The following GPM6A variants were observed in gnomAD, a reference collection of about 807,000 sequenced individuals.
GPM6A encodes the protein neuronal membrane glycoprotein M6-a.
In GPM6A, 7 loss-of-function variants were observed where a neutral mutation model predicts 32.1. The ratio of observed to expected loss-of-function variants is 0.22; its 90% CI spans 0.12 to 0.41. The LOEUF (loss-of-function observed/expected upper bound fraction) is 0.41. GPM6A is among the 10% of genes least tolerant of loss of function. GPM6A has a pLI of 1.00. For missense variants in GPM6A, 235 were observed against 347.2 expected (o/e 0.68, Z 2.57); for synonymous variants, 130 against 123.4 (o/e 1.05, Z -0.35).
At chr4:175,673,178 T>C (rs1453304306) in intron 3 of GPM6A, among the ~76,000 whole-genome samples, 4 of 152,142 alleles carry the variant, frequency 2.6e-5, no homozygotes, top group Non-Finnish European at 5.9e-5. Flanking sequence ...TACAAAACTG[T>C]AGAGTAAGAC....
Position 175,919,419 on chromosome 4 carries a change from T to C in GPM6A, c.-23+82890A>G, listed in dbSNP as rs558251411. Among the ~76,000 whole-genome samples the C allele has an allele frequency of 9.2e-5, 14 of 152,310 alleles. No individual in the cohort carries two copies. In the East Asian group the frequency reaches 1.5e-3, roughly 17 times the overall value. On this transcript the variant is annotated intron_variant, in intron 1 of 7. Coordinates refer to the GPM6A transcript ENST00000280187. ...GGGCCAGAAGAAGCTTAAAGAGCTT[T>C]TGACACTTTTACATAAACATTTCTA... is the stretch of plus-strand genomic sequence containing the variant.
At chr4:175,673,903 C>A in intron 2 of GPM6A, 67 bp from the exon 3 acceptor site, 1 of 997,228 alleles carries the variant, frequency 1.0e-6, no homozygotes, top group South Asian at 1.7e-5. Context: ...AATTGATTCT[C>A]ACATGCTCAT....
chr4:175,894,593 C>A (rs1362670354), intron 1 of GPM6A, among the ~76,000 whole-genome samples: 1 of 152,042 alleles, frequency 6.6e-6, no homozygotes, highest in Non-Finnish European at 1.5e-5. Context: ...CATTTTCTAC[C>A]CTTCTACCTT....
At chr4:175,984,905 A>C (rs1158728489) in intron 1 of GPM6A, among the ~76,000 whole-genome samples, 1 of 152,164 alleles carries the variant, frequency 6.6e-6, no homozygotes, top group Non-Finnish European at 1.5e-5. Flanking sequence ...CCTATTATAT[A>C]TCAAGGACAC....
At chr4:175,779,734 C>A (rs1039889622) in intron 1 of GPM6A, among the ~76,000 whole-genome samples, 1 of 152,062 alleles carries the variant, frequency 6.6e-6, no homozygotes, top group Non-Finnish European at 1.5e-5. Flanking sequence ...TTAGTTTTTC[C>A]CTTTGGCAAC....
At chr4:175,972,075 T>C (rs968197074) in intron 1 of GPM6A, 9 of 152,190 alleles carry the variant, frequency 5.9e-5, no homozygotes, top group Non-Finnish European at 1.3e-4. Context: ...GGTGCTACTA[T>C]TCATTCTTCC....
chr4:175,789,941 A>G (rs1733947431), intron 1 of GPM6A, among the ~76,000 whole-genome samples: 1 of 152,182 alleles, frequency 6.6e-6, no homozygotes. Flanking sequence ...TAGCAAATAT[A>G]TTTGTTCTGA....
chr4:175,755,630 A>C (rs2111197601), intron 1 of GPM6A, among the ~76,000 whole-genome samples: 1 of 152,266 alleles, frequency 6.6e-6, no homozygotes, highest in African/African-American at 2.4e-5. Context: ...CTTCTATTTC[A>C]AAATTGCATA....
chr4:175,768,701 C>A lies in GPM6A; in HGVS notation c.37+43490G>T, dbSNP rs183587276. 2.4e-3 allele frequency among the ~76,000 whole-genome samples: 369 copies of A among 152,098 alleles called. 5 individuals carry two copies. The highest frequency in any genetic ancestry group is 0.022 in the Admixed American group (335 of 15,248). ...ATAATAGGCTATACTTCACATGTAT[C>A]ACCAAAGTTGAATTGAACTATCTGG... On this transcript the variant is annotated intron_variant, in intron 1 of 6. Coordinates refer to ENST00000393658, the MANE Select transcript of GPM6A (RefSeq NM_201591.3).
chr4:175,901,050 C>T (rs932264240), intron 1 of GPM6A, among the ~76,000 whole-genome samples: 5 of 151,552 alleles, frequency 3.3e-5, no homozygotes, highest in African/African-American at 1.2e-4. Flanking sequence ...ATGTCCTTAC[C>T]TATCTGTGGG....
chr4:175,830,085 GGAGA>G (rs1445682544), intron 1 of GPM6A, among the ~76,000 whole-genome samples: 7 of 152,128 alleles, frequency 4.6e-5, no homozygotes, highest in African/African-American at 1.2e-4. Context: ...ACCAGAGAAA[GGAGA>G]GAGAGAGAAT....
chr4:175,763,737 T>C (rs1732849382), intron 1 of GPM6A, among the ~76,000 whole-genome samples: 1 of 151,974 alleles, frequency 6.6e-6, no homozygotes, highest in Non-Finnish European at 1.5e-5. Flanking sequence ...GAAAACAGGC[T>C]TTTTTAAAAA....
At chr4:175,861,838 T>C (rs1191196221) in intron 1 of GPM6A, among the ~76,000 whole-genome samples, 1 of 151,324 alleles carries the variant, frequency 6.6e-6, no homozygotes, top group Non-Finnish European at 1.5e-5. Flanking sequence ...CTATCCCTAA[T>C]ATAAATTTAA....
chr4:175,787,508 T>G (rs1299451191), intron 1 of GPM6A: 1 of 1,466,412 alleles, frequency 6.8e-7, no homozygotes, highest in African/African-American at 1.4e-5. Flanking sequence ...GTCCTTTTTG[T>G]TCCACCTTTA....
chr4:175,802,360 G>A (rs950128688), intron 1 of GPM6A, among the ~76,000 whole-genome samples: 3 of 152,036 alleles, frequency 2.0e-5, no homozygotes, highest in African/African-American at 4.8e-5. Context: ...GAGAGAATAT[G>A]ATGAGCATTG....
Position 175,673,735 on chromosome 4 carries a change from T to C in GPM6A, c.332A>G (p.Lys111Arg). The C allele has an allele frequency of 1.2e-6, 2 of 1,612,922 alleles. No individual in the cohort carries two copies. Among genetic ancestry groups the C allele is most frequent in the Non-Finnish European group, 1.7e-6 (2 of 1,179,078 alleles). The change falls in exon 3 of 7, where the codon AAA (lysine) becomes AGA (arginine). Residue 111 changes from lysine to arginine, a missense_variant. Lys to Arg is a conservative substitution (Grantham distance 26, BLOSUM62 2). Around this residue, in one of 3 missense-constraint regions of GPM6A, gnomAD observed 101 missense variants for 171.2 expected, o/e 0.59. Coordinates refer to ENST00000393658, the MANE Select transcript of GPM6A (RefSeq NM_201591.3). ...GATTTTGAAATCCCCATAGAGATCT[T>C]TGATGGCCCCAGTTGTGAAGAAACC... is the stretch of plus-strand genomic sequence containing the variant. ...VEGFFTTGAI[K>R]DLYGDFKITT...
chr4:175,711,044 A>G (rs1745500266), intron 1 of GPM6A, among the ~76,000 whole-genome samples: 1 of 151,988 alleles, frequency 6.6e-6, no homozygotes, highest in Non-Finnish European at 1.5e-5. Flanking sequence ...CTTTAACTTT[A>G]TTGTTGGCTT....
At chr4:176,000,842 C>A (rs1245369686) in intron 1 of GPM6A, among the ~76,000 whole-genome samples, 4 of 152,132 alleles carry the variant, frequency 2.6e-5, no homozygotes, top group Non-Finnish European at 4.4e-5. Flanking sequence ...AAAAAAAGAG[C>A]CTGAAATACT....
chr4:175,852,234 T>A (rs1193202037), intron 1 of GPM6A, among the ~76,000 whole-genome samples: 1 of 151,808 alleles, frequency 6.6e-6, no homozygotes, highest in Non-Finnish European at 1.5e-5. Context: ...TAAGTGGAAA[T>A]GTGTGAGAAC....
Sources: allele counts gnomAD v4.1 joint callset (sites outside exome capture counted in the v4.1 genomes callset), GRCh38; gene constraint gnomAD v4.1.1; regional missense constraint gnomAD v4.1.1; transcripts MANE v1.5; gene names NCBI Gene and HGNC (gene_info 2026-07-23, HGNC 2026-07-21).